Variants in IGSF10 observed in about 807,000 individuals in gnomAD.
IGSF10 encodes the protein immunoglobulin superfamily member 10.
Under a neutral mutation model 128.2 loss-of-function variants are expected in IGSF10, and 126 were observed. The ratio of observed to expected loss-of-function variants is 0.98; its 90% confidence interval spans 0.85 to 1.14. The LOEUF is 1.14. IGSF10 is among the 50% of genes most tolerant of loss of function. The pLI is 0.00. For missense variants in IGSF10, 3,295 were observed against 3,149.8 expected (o/e 1.05, Z -1.10); for synonymous variants, 1,185 against 1,146.2 (o/e 1.03, Z -0.68).
In IGSF10 at chr3:151,438,085, G is replaced by A. The variant is rs1720531093; in HGVS notation, c.6476C>T (p.Ala2159Val). ...TNKRIKAGDTAVLDCEVTGDP... is the reference protein window; with the variant it reads ...TNKRIKAGDTVVLDCEVTGDP... ...CCCAGTGACCTCACAGTCAAGGACA[G>A]CTGTGTCTCCAGCTTTGATTCTCTT... Residue 2159 changes from alanine to valine, a missense_variant, in exon 8 of 8, where the codon GCT (alanine) becomes GTT (valine). By Grantham distance (64) the Ala-to-Val change is moderately conservative. Coordinates refer to ENST00000282466, the MANE Select transcript of IGSF10 (RefSeq NM_178822.5). The A allele has an allele frequency of 1.2e-6, 2 of 1,614,218 alleles. No individual in the cohort carries two copies. The highest frequency in any genetic ancestry group is 4.5e-5 in the East Asian group (2 of 44,880).
At chr3:151,535,155 C>G in the IGSF10 span, among the ~76,000 whole-genome samples, 1 of 152,000 alleles carries the variant, frequency 6.6e-6, no homozygotes, top group Non-Finnish European at 1.5e-5. Context: ...AGTGCAAAAA[C>G]AATAACTATT....
the IGSF10 span, among the ~76,000 whole-genome samples, chr3:151,483,183 CAT>C: frequency 6.6e-6 from 1 of 151,962 alleles, no homozygotes; most frequent in Middle Eastern, 3.2e-3. Context: ...GTGTAAACCA[CAT>C]ATATCTTCAA....
chr3:151,522,797 T>G, the IGSF10 span, among the ~76,000 whole-genome samples: 1 of 152,052 alleles, frequency 6.6e-6, no homozygotes, highest in Non-Finnish European at 1.5e-5. Context: ...TGCCCTCTTT[T>G]ACCACTGCTG....
the IGSF10 span, among the ~76,000 whole-genome samples, chr3:151,575,314 T>C: frequency 2.0e-5 from 3 of 152,222 alleles, no homozygotes; most frequent in Non-Finnish European, 2.9e-5. Flanking sequence ...TGTTCAGCTA[T>C]GCCCTGCCCC....
At chr3:151,472,692 A>G in the IGSF10 span, among the ~76,000 whole-genome samples, 2 of 151,980 alleles carry the variant, frequency 1.3e-5, no homozygotes, top group African/African-American at 4.8e-5. Context: ...GCTCTCTTAA[A>G]TTCTGATATA....
chr3:151,541,408 G>A, the IGSF10 span, among the ~76,000 whole-genome samples: 1 of 152,170 alleles, frequency 6.6e-6, no homozygotes, highest in Non-Finnish European at 1.5e-5. Flanking sequence ...ATGTCAGTGA[G>A]ATTAGCTAGC....
chr3:151,618,502 G>A, the IGSF10 span, among the ~76,000 whole-genome samples: 12 of 152,098 alleles, frequency 7.9e-5, no homozygotes, highest in Non-Finnish European at 1.5e-4. Context: ...AGGCCGAGGC[G>A]GGTGGATCAT....
At chr3:151,526,248 C>T in the IGSF10 span, among the ~76,000 whole-genome samples, 1 of 151,940 alleles carries the variant, frequency 6.6e-6, no homozygotes, top group Non-Finnish European at 1.5e-5. Flanking sequence ...GCTCCACAGT[C>T]TATTGGATTG....
the IGSF10 span, among the ~76,000 whole-genome samples, chr3:151,589,941 T>C: frequency 6.6e-6 from 1 of 152,206 alleles, no homozygotes; most frequent in Non-Finnish European, 1.5e-5. Context: ...TTTTGCCCTT[T>C]GAAAGAAAGA....
chr3:151,562,377 T>C, the IGSF10 span, among the ~76,000 whole-genome samples: 19 of 152,292 alleles, frequency 1.2e-4, no homozygotes, highest in Non-Finnish European at 2.6e-4. Flanking sequence ...CCCTCGGAGC[T>C]GCTCTGCCTA....
chr3:151,494,596 T>C, the IGSF10 span, among the ~76,000 whole-genome samples: 10 of 152,276 alleles, frequency 6.6e-5, no homozygotes, highest in Middle Eastern at 3.4e-3. Flanking sequence ...AATTCTATTT[T>C]AGTTCCCAAT....
At chr3:151,574,880 T>C in the IGSF10 span, among the ~76,000 whole-genome samples, 8 of 152,204 alleles carry the variant, frequency 5.3e-5, no homozygotes, top group Admixed American at 4.6e-4. Context: ...TCTTTGATGA[T>C]GTGACCTACA....
downstream of IGSF10, chr3:151,435,122 C>G (rs889399313): frequency 3.6e-5 from 5 of 139,748 alleles, no homozygotes; most frequent in Admixed American, 1.5e-4. Flanking sequence ...AAGATGGTCA[C>G]AAGGTAAAGC....
rs563959008 is a variant in IGSF10 at position 151,445,360 on chromosome 3, A to C, written c.4621T>G (p.Phe1541Val). 6.2e-7 allele frequency: 1 copy of C among 1,614,188 alleles called. No homozygotes were observed. The highest frequency in any genetic ancestry group is 1.3e-5 in the African/African-American group (1 of 75,054). The stretch of plus-strand genomic sequence containing the variant: ...GAATGTAACAGATTAGAGTAGATGA[A>C]GTGAGTGGTTCCAATTGTGAACTTG... ...NAKFTIGTTH[F>V]IYSNLLHSTP... Residue 1541 changes from phenylalanine (F) to valine (V), a missense_variant, in exon 6 of 8, where the codon TTC (phenylalanine) becomes GTC (valine). Physicochemically the swap from Phe to Val is conservative, Grantham distance 50. Coordinates refer to ENST00000282466, the MANE Select transcript of IGSF10 (RefSeq NM_178822.5).
chr3:151,597,916 TA>T, the IGSF10 span, among the ~76,000 whole-genome samples: 35,701 of 144,294 alleles, frequency 0.25, 4,487 homozygotes, highest in South Asian at 0.48. Flanking sequence ...AGACTCTGTC[TA>T]AAAAAAAAAA....
At chr3:151,504,923 C>G in the IGSF10 span, among the ~76,000 whole-genome samples, 1 of 152,198 alleles carries the variant, frequency 6.6e-6, no homozygotes, top group Non-Finnish European at 1.5e-5. Flanking sequence ...ACTTCATTGT[C>G]CATATCACCA....
the IGSF10 span, among the ~76,000 whole-genome samples, chr3:151,619,684 C>T: frequency 1.3e-5 from 2 of 152,032 alleles, no homozygotes; most frequent in Non-Finnish European, 2.9e-5. Flanking sequence ...TTGTTAGAGG[C>T]TTGATCCCCA....
At chr3:151,472,582 G>A in the IGSF10 span, among the ~76,000 whole-genome samples, 3 of 152,066 alleles carry the variant, frequency 2.0e-5, no homozygotes, top group Admixed American at 6.6e-5. Context: ...CTTGGCCAAA[G>A]GTACTACCTT....
the IGSF10 span, among the ~76,000 whole-genome samples, chr3:151,515,232 C>T: frequency 9.9e-5 from 15 of 151,810 alleles, no homozygotes; most frequent in South Asian, 8.3e-4. Context: ...TGTCCAACAA[C>T]GATAGACTGG....
Sources: allele counts gnomAD v4.1 joint callset (sites outside exome capture counted in the v4.1 genomes callset), GRCh38; gene constraint gnomAD v4.1.1; transcripts MANE v1.5; gene names NCBI Gene and HGNC (gene_info 2026-07-23, HGNC 2026-07-21).